Variants in RPGRIP1 observed in about 807,000 individuals in gnomAD.
RPGRIP1 encodes RPGR interacting protein 1, also known as X-linked retinitis pigmentosa GTPase regulator-interacting protein 1.
In RPGRIP1, 128 loss-of-function variants were observed where a neutral mutation model predicts 157.9. That is an observed-to-expected ratio of 0.81 (90% CI 0.70 to 0.94). The LOEUF (loss-of-function observed/expected upper bound fraction) is 0.94. RPGRIP1 is among the 40% of genes least tolerant of loss of function. The probability of loss-of-function intolerance (pLI) is 0.00; values close to 1 mark genes in which losing one functional copy is unlikely to be tolerated. For synonymous variants in RPGRIP1, 554 were observed against 571.6 expected (o/e 0.97, Z 0.44); for missense variants, 1,486 against 1,545.8 (o/e 0.96, Z 0.65).
intron 23 of RPGRIP1, among the ~76,000 whole-genome samples, chr14:21,347,899 A>T (rs1189846878): frequency 1.3e-5 from 2 of 151,378 alleles, no homozygotes; most frequent in East Asian, 3.9e-4. Context: ...CTAATTTTTT[A>T]TTTTTTTTGT....
intron 2 of RPGRIP1, among the ~76,000 whole-genome samples, chr14:21,290,256 A>G (rs1880468277): frequency 2.0e-5 from 3 of 152,214 alleles, no homozygotes. Flanking sequence ...GCTATTTTCC[A>G]AAGCAGTGGC....
intron 21 of RPGRIP1, among the ~76,000 whole-genome samples, chr14:21,342,477 A>C (rs912985280): frequency 2.6e-5 from 4 of 151,786 alleles, no homozygotes; most frequent in Non-Finnish European, 4.4e-5. Flanking sequence ...TCAGGATGTC[A>C]AAGCTGCAGT....
chr14:21,321,195 A>G, intron 12 of RPGRIP1, 64 bp from the exon 13 acceptor site: 1 of 1,510,270 alleles, frequency 6.6e-7, no homozygotes, highest in Non-Finnish European at 8.9e-7. Context: ...TGTTTTATGG[A>G]GAATCATTAT....
At position 21,328,628 on chromosome 14, in the gene RPGRIP1, G is replaced by T; in HGVS notation, c.3099+1G>T. On this transcript the variant is annotated splice_donor_variant, in intron 19 of 24. Coordinates refer to ENST00000400017, the MANE Select transcript of RPGRIP1 (RefSeq NM_020366.4). LOFTEE classifies it high-confidence loss of function. ...CATCTTAAATGGAAATACACCAGAG[G>T]TAAGACCTTAAAAACTCTGAAGCAC... 6.2e-7 allele frequency: 1 copy of T among 1,601,982 alleles called. No homozygotes were observed. Among genetic ancestry groups the T allele is most frequent in the Non-Finnish European group, 8.6e-7 (1 of 1,169,442 alleles).
At chr14:21,300,034 G>A (rs370909088) in intron 3 of RPGRIP1, among the ~76,000 whole-genome samples, 9 of 152,278 alleles carry the variant, frequency 5.9e-5, no homozygotes, top group East Asian at 1.9e-4. Context: ...GGTGGCTCAC[G>A]CATGTAATCC....
At chr14:21,315,944 G>C (rs1881777155) in intron 10 of RPGRIP1, among the ~76,000 whole-genome samples, 1 of 145,920 alleles carries the variant, frequency 6.9e-6, no homozygotes, top group Non-Finnish European at 1.5e-5. Flanking sequence ...GACCACAGGT[G>C]TGTGCCACCA....
At chr14:21,300,260 G>A (rs867188749) in intron 3 of RPGRIP1, among the ~76,000 whole-genome samples, 4 of 150,126 alleles carry the variant, frequency 2.7e-5, no homozygotes, top group Non-Finnish European at 4.4e-5. Context: ...AGCTGAGATC[G>A]TGCCATTGCA....
At chr14:21,332,066 G>A (rs943533865) in intron 20 of RPGRIP1, among the ~76,000 whole-genome samples, 1 of 151,158 alleles carries the variant, frequency 6.6e-6, no homozygotes, top group African/African-American at 2.4e-5. Flanking sequence ...AGCCTCCAGA[G>A]TAGCTGGGAC....
At chr14:21,298,632 A>T (rs1386282175) in intron 3 of RPGRIP1, among the ~76,000 whole-genome samples, 1 of 150,320 alleles carries the variant, frequency 6.7e-6, no homozygotes, top group Non-Finnish European at 1.5e-5. Flanking sequence ...AGGAGTGATT[A>T]AGATCTTCGT....
intron 1 of RPGRIP1, among the ~76,000 whole-genome samples, chr14:21,280,431 A>G (rs1880086791): frequency 6.6e-6 from 1 of 151,942 alleles, no homozygotes; most frequent in Admixed American, 6.6e-5. Flanking sequence ...TTTTTAGTAG[A>G]GACGGGGTTT....
At position 21,307,590 on chromosome 14, in the gene RPGRIP1, C is replaced by T. The variant is rs559343119; in HGVS notation, c.801-141C>T. 1.6e-5 allele frequency: 10 copies of T among 615,898 alleles called. No individual in the cohort carries two copies. In the African/African-American group the frequency reaches 1.7e-4, roughly 10 times the overall value. 38.2% of individuals were successfully genotyped at this position (615,898 alleles called of 1,614,324 possible). On this transcript the variant is annotated intron_variant, in intron 6 of 24. Coordinates refer to ENST00000400017, the MANE Select transcript of RPGRIP1 (RefSeq NM_020366.4). Reference sequence around the variant, plus strand: ...GATTATTTACTAGACTGTACATACACCACATACTTGTGTTCTAGTGTGGGT... The same window carrying T: ...GATTATTTACTAGACTGTACATACATCACATACTTGTGTTCTAGTGTGGGT...
rs577634433 is a variant in RPGRIP1 at position 21,320,345 on chromosome 14, A to C, written c.1467+168A>C. On this transcript the variant is annotated intron_variant, in intron 12 of 24. Transcript: ENST00000400017. The stretch of plus-strand genomic sequence containing the variant: ...CTCGCTGTCGCCCAGGCTGGAGTGC[A>C]GTGGCGCGATCTCGGCTCACTGCAG... 8.6e-5 allele frequency among the ~76,000 whole-genome samples: 13 copies of C among 150,946 alleles called. No homozygotes were observed. In the East Asian group the frequency reaches 2.3e-3, roughly 27 times the overall value.
intron 6 of RPGRIP1, among the ~76,000 whole-genome samples, chr14:21,307,237 A>G (rs1881354419): frequency 2.0e-5 from 3 of 151,974 alleles, no homozygotes; most frequent in Admixed American, 2.0e-4. Context: ...TGTTTTTAGT[A>G]AAGACAAGGT....
Position 21,328,531 on chromosome 14 carries a change from C to G in RPGRIP1, c.3003C>G (p.Ser1001Arg). The G allele has an allele frequency of 1.2e-6, 2 of 1,613,414 alleles. No homozygotes were observed. The highest frequency in any genetic ancestry group is 1.7e-6 in the Non-Finnish European group (2 of 1,179,498). The change falls in exon 19 of 25, where the codon AGC becomes AGG. Residue 1001 changes from serine (S) to arginine (R), a missense_variant. By Grantham distance (110) the Ser-to-Arg change is moderately radical. Transcript: ENST00000400017. ...AGGAGAAGGAGCACCAGGTTGTGAG[C>G]TACTCAAGAAGAAAACATGGCAAAA... The part of the protein sequence containing the change: ...ERKEKEHQVV[S>R]YSRRKHGKRI...
chr14:21,344,092 G>A (rs1185198748), intron 22 of RPGRIP1, among the ~76,000 whole-genome samples: 2 of 151,512 alleles, frequency 1.3e-5, no homozygotes, highest in African/African-American at 4.8e-5. Context: ...GACCTTAAAA[G>A]TTAGCTCTTT....
At chr14:21,340,890 A>C (rs1475838775) in intron 21 of RPGRIP1, among the ~76,000 whole-genome samples, 2 of 152,138 alleles carry the variant, frequency 1.3e-5, no homozygotes, top group Non-Finnish European at 2.9e-5. Context: ...TTCTTTTTTA[A>C]AAAGCTAGTG....
chr14:21,344,116 T>A (rs975702973), intron 22 of RPGRIP1, among the ~76,000 whole-genome samples: 1 of 151,950 alleles, frequency 6.6e-6, no homozygotes, highest in Non-Finnish European at 1.5e-5. Flanking sequence ...ACTACACTCA[T>A]GTCCCTTTCC....
At chr14:21,349,608 G>A (rs1885967437) in intron 24 of RPGRIP1, among the ~76,000 whole-genome samples, 2 of 150,072 alleles carry the variant, frequency 1.3e-5, no homozygotes, top group African/African-American at 4.9e-5. Context: ...CTTCATGTTG[G>A]TCAGGCTGGT....
intron 1 of RPGRIP1, among the ~76,000 whole-genome samples, chr14:21,281,688 C>CAA (rs1282350183): frequency 1.6e-4 from 13 of 79,270 alleles, no homozygotes; most frequent in African/African-American, 6.9e-4. Context: ...GACCTTGTCT[C>CAA]AAAAAAAAAA....
Sources: gnomAD v4.1 joint callset for allele counts (sites outside exome capture counted in the v4.1 genomes callset) on GRCh38, gnomAD v4.1.1 for gene constraint, MANE v1.5 for transcripts, NCBI Gene and HGNC (gene_info 2026-07-23, HGNC 2026-07-21) for gene names.